Variants in PALS2 observed in about 807,000 individuals in gnomAD.
PALS2 encodes the protein protein PALS2.
PALS2 carries 27 observed loss-of-function variants against 61.6 expected under a neutral mutation model. The observed-to-expected ratio is 0.44, with a 90% CI of 0.32 to 0.60. The LOEUF (loss-of-function observed/expected upper bound fraction) is 0.60, where lower values mean the gene tolerates loss of function less well. Ranked by LOEUF, PALS2 falls within the 20% of genes least tolerant of loss-of-function variation. PALS2 has a pLI of 0.05. For synonymous variants in PALS2, 236 were observed against 218.6 expected, an observed-to-expected ratio of 1.08 and a Z score of -0.70; for missense variants, 554 against 639.4, an observed-to-expected ratio of 0.87 and a Z score of 1.44.
intron 8 of PALS2, among the ~76,000 whole-genome samples, chr7:24,666,694 C>T (rs1276215961): frequency 1.3e-5 from 2 of 152,142 alleles, no homozygotes; most frequent in Non-Finnish European, 2.9e-5. Flanking sequence ...TCAAGTTGTA[C>T]ACTTTATATA....
At chr7:24,679,556 G>A (rs971926014) in intron 10 of PALS2, among the ~76,000 whole-genome samples, 2 of 152,026 alleles carry the variant, frequency 1.3e-5, no homozygotes, top group African/African-American at 4.8e-5. Context: ...TAGAAACTGT[G>A]TGATTAGATC....
At chr7:24,623,806 A>T (rs560685056) in intron 2 of PALS2, 22 bp downstream of exon 2, 1 of 1,442,118 alleles carries the variant, frequency 6.9e-7, no homozygotes, top group African/African-American at 1.4e-5. Context: ...TATTCATAAG[A>T]TTACTGAATT....
chr7:24,681,970 TG>T (rs1300278998), intron 11 of PALS2, among the ~76,000 whole-genome samples: 3 of 152,204 alleles, frequency 2.0e-5, no homozygotes, highest in African/African-American at 4.8e-5. Context: ...AGTTCTGGAT[TG>T]GTTTTGATTG....
intron 1 of PALS2, among the ~76,000 whole-genome samples, chr7:24,610,568 A>C (rs756656521): frequency 1.2e-4 from 19 of 152,218 alleles, no homozygotes; most frequent in Admixed American, 2.6e-4. Flanking sequence ...TTGAGAGGGA[A>C]GATATGGATA....
At position 24,596,657 on chromosome 7, in the gene PALS2, A is replaced by C. The variant is rs1439385473; in HGVS notation, c.-3+23064A>C. Among the ~76,000 whole-genome samples the C allele has an allele frequency of 6.6e-6, 1 of 152,166 alleles. No homozygotes were observed. Among genetic ancestry groups the C allele is most frequent in the African/African-American group, 2.4e-5 (1 of 41,454 alleles). On this transcript the variant is annotated intron_variant, in intron 1 of 11. Coordinates refer to ENST00000222644, the MANE Select transcript of PALS2 (RefSeq NM_001303037.2). This position sits in a 1 kb window ranked among gnomAD's most constrained non-coding sequence, Gnocchi z 4.5. ...AATTTACTCAAAGCAGGACTACTAC[A>C]TTGTGAGAGTAAATTGGCAACAGTG...
chr7:24,573,834 C>G lies in PALS2; in HGVS notation c.-3+241C>G, dbSNP rs947914596. 8.0e-5 allele frequency among the ~76,000 whole-genome samples: 12 copies of G among 150,236 alleles called. No individual in the cohort carries two copies. Among genetic ancestry groups the G allele is most frequent in the African/African-American group, 2.7e-4 (11 of 41,300 alleles). On this transcript the variant is annotated intron_variant, in intron 1 of 11. Transcript: ENST00000222644. This position sits in a 1 kb window ranked among gnomAD's most constrained non-coding sequence, Gnocchi z 5.3. Reference sequence around the variant, plus strand: ...GGCCCGCGCGGAAGGGGCGCTCGGCCGGGCTCCTGCCTCTCTGGCTGCGGG... The same window carrying G: ...GGCCCGCGCGGAAGGGGCGCTCGGCGGGGCTCCTGCCTCTCTGGCTGCGGG...
At chr7:24,612,627 A>C (rs988039442) in intron 1 of PALS2, among the ~76,000 whole-genome samples, 1 of 151,802 alleles carries the variant, frequency 6.6e-6, no homozygotes, top group African/African-American at 2.4e-5. Flanking sequence ...ATCTGTCTGA[A>C]CATTTTAGTC....
intron 1 of PALS2, among the ~76,000 whole-genome samples, chr7:24,601,432 C>G (rs905311673): frequency 6.6e-6 from 1 of 152,008 alleles, no homozygotes; most frequent in Non-Finnish European, 1.5e-5. Context: ...ACTTCATTTT[C>G]TTGAAGATGT....
rs7782569 is a variant in PALS2 at position 24,663,564 on chromosome 7, A to G, written c.652-26A>G. The G allele has an allele frequency of 4.3e-3, 6,733 of 1,551,960 alleles. 305 individuals are homozygous for G. In the African/African-American group the frequency reaches 0.084, roughly 19 times the overall value. ...CAGTGGCAAGTGATACAACTATAGTATTTTTAATTGTGCTATGTGTTTTAG... is the reference window on the plus strand; with the variant it reads ...CAGTGGCAAGTGATACAACTATAGTGTTTTTAATTGTGCTATGTGTTTTAG... On this transcript the variant is annotated intron_variant, in intron 5 of 11. Transcript: ENST00000222644.
rs1786092558 is a variant in PALS2, at chr7:24,650,637, A to G, written c.576A>G (p.Glu192=). 1 of 1,612,394 alleles carries G rather than the reference A, an allele frequency of 6.2e-7. No homozygotes were observed. Among genetic ancestry groups the G allele is most frequent in the Admixed American group, 1.7e-5 (1 of 59,974 alleles). The change falls in exon 5 of 12, where the codon GAA becomes GAG. Residue 192 remains glutamate, a synonymous_variant. Transcript: ENST00000222644. ...EVGNNPKELQ[E]LLKNISGSVT... is the part of the protein sequence containing the mutation. ...GAAATAATCCAAAGGAATTACAAGAATTACTGAAAAATATTAGTGGAAGTG... is the reference window on the plus strand; with the variant it reads ...GAAATAATCCAAAGGAATTACAAGAGTTACTGAAAAATATTAGTGGAAGTG...
intron 1 of PALS2, among the ~76,000 whole-genome samples, chr7:24,581,306 A>C (rs1782836264): frequency 6.7e-6 from 1 of 149,136 alleles, no homozygotes; most frequent in Non-Finnish European, 1.5e-5. Flanking sequence ...AGAAAGGGAA[A>C]TCTCCCTCTG....
chr7:24,676,992 T>G (rs1482095671), intron 9 of PALS2, among the ~76,000 whole-genome samples: 10 of 151,326 alleles, frequency 6.6e-5, no homozygotes, highest in Non-Finnish European at 1.3e-4. Context: ...ACGATATTGA[T>G]TCTTCCTACC....
chr7:24,623,465 A>G (rs1404870141), intron 1 of PALS2, among the ~76,000 whole-genome samples: 2 of 152,132 alleles, frequency 1.3e-5, no homozygotes, highest in Admixed American at 6.5e-5. Context: ...ATAAAAATCT[A>G]TCCTGCTATT....
intron 11 of PALS2, among the ~76,000 whole-genome samples, chr7:24,682,415 C>T (rs1787981582): frequency 6.6e-6 from 1 of 152,136 alleles, no homozygotes; most frequent in Admixed American, 6.5e-5. Context: ...TCTGGCATTC[C>T]GTCCTGCAAA....
At chr7:24,584,304 C>T (rs1398493234) in intron 1 of PALS2, among the ~76,000 whole-genome samples, 1 of 135,804 alleles carries the variant, frequency 7.4e-6, no homozygotes, top group African/African-American at 2.8e-5. Flanking sequence ...CCTATTTCTC[C>T]ACATCCTCTC....
intron 3 of PALS2, among the ~76,000 whole-genome samples, chr7:24,649,202 A>G (rs1177651046): frequency 6.6e-6 from 1 of 152,104 alleles, no homozygotes. Context: ...ATGTTAGGTA[A>G]AAATGTCATT....
At chr7:24,621,225 C>T (rs978100549) in intron 1 of PALS2, among the ~76,000 whole-genome samples, 13 of 152,068 alleles carry the variant, frequency 8.5e-5, no homozygotes, top group Admixed American at 7.2e-4. Context: ...TCCTCTTGTT[C>T]GCTTCTTTAC....
Position 24,692,688 on chromosome 7 carries a change from T to C in PALS2, c.*5074T>C, listed in dbSNP as rs549794094. 1.3e-5 allele frequency: 2 copies of C among 152,252 alleles called. No individual in the cohort carries two copies. The highest frequency in any genetic ancestry group is 2.1e-4 in the South Asian group (1 of 4,828). 9.4% of individuals were successfully genotyped at this position (152,252 alleles called of 1,614,324 possible). A position where few individuals can be genotyped will look rare whatever the true frequency, so the allele number is the denominator to read the frequency against. Reference sequence around the variant, plus strand: ...TAATCCCATACTAAATCCAAACCCTTAGCAAATCCTTGCTGCCAACCAGAC... The same window carrying C: ...TAATCCCATACTAAATCCAAACCCTCAGCAAATCCTTGCTGCCAACCAGAC... On this transcript the variant is annotated 3_prime_UTR_variant, in exon 12 of 12. Coordinates refer to ENST00000222644, the MANE Select transcript of PALS2 (RefSeq NM_001303037.2).
At chr7:24,641,616 C>T in intron 2 of PALS2, 100 bp from the exon 3 acceptor site, 1 of 1,044,614 alleles carries the variant, frequency 9.6e-7, no homozygotes, top group South Asian at 1.8e-5. Flanking sequence ...ATTAAATCTC[C>T]AAGTAATATA....
Sources: gnomAD v4.1 joint callset for allele counts (sites outside exome capture counted in the v4.1 genomes callset) on GRCh38, gnomAD v4.1.1 for gene constraint, Gnocchi (gnomAD v3.1) non-coding constraint, MANE v1.5 for transcripts, NCBI Gene and HGNC (gene_info 2026-07-23, HGNC 2026-07-21) for gene names.